Variants in PCDHGA6 observed in about 807,000 individuals in gnomAD.
PCDHGA6 encodes protocadherin gamma subfamily A, 6.
PCDHGA6 carries 41 observed loss-of-function variants against 60.6 expected under a neutral mutation model. The ratio of observed to expected loss-of-function variants is 0.68; its 90% CI spans 0.53 to 0.88. The LOEUF is 0.88. Ranked by LOEUF, PCDHGA6 falls within the 40% of genes least tolerant of loss-of-function variation. The pLI is 0.00. For missense variants in PCDHGA6, 1,312 were observed against 1,203.0 expected (o/e 1.09, Z -1.34); for synonymous variants, 594 against 524.4 (o/e 1.13, Z -1.81).
chr5:141,395,341 G>C, intron 1 of PCDHGA6: 1 of 1,409,696 alleles, frequency 7.1e-7, no homozygotes. Context: ...AATTTTTAAG[G>C]TGTATCACAG....
intron 1 of PCDHGA6, chr5:141,413,247 CGGGATTCCAT>C: frequency 6.2e-7 from 1 of 1,613,940 alleles, no homozygotes; most frequent in South Asian, 1.1e-5. Flanking sequence ...GCCTTTTCTT[CGGGATTCCAT>C]GGGAGGCTGG....
In PCDHGA6 at chr5:141,432,469, C is replaced by A; in HGVS notation, c.2424+55962C>A. On this transcript the variant is annotated intron_variant, in intron 1 of 3. Coordinates refer to ENST00000517434, the MANE Select transcript of PCDHGA6 (RefSeq NM_018919.3). The surrounding 1 kb of genome is among the most constrained non-coding windows in gnomAD (Gnocchi z 6.0). ...TCCTGTACCCCGCCCTCCCCACGGA[C>A]GGTTCCACTGGCGTGGAGCTGGCTC... 6.2e-7 allele frequency: 1 copy of A among 1,614,218 alleles called. No individual in the cohort carries two copies.
chr5:141,505,528 C>T (rs746609783), intron 3 of PCDHGA6, 47 bp downstream of exon 3: 4 of 1,612,320 alleles, frequency 2.5e-6, no homozygotes, highest in Non-Finnish European at 3.4e-6. Context: ...ACCTGGGGTT[C>T]TGGGGTGCAT....
At position 141,384,450 on chromosome 5, in the gene PCDHGA6, G is replaced by A. The variant is rs756281053; in HGVS notation, c.2424+7943G>A. On this transcript the variant is annotated intron_variant, in intron 1 of 3. Coordinates refer to ENST00000517434, the MANE Select transcript of PCDHGA6 (RefSeq NM_018919.3). ...CTGACACTGGAGTCCTGTACGCGCT[G>A]CAATCCTTTGATTATGAGCAGTTGA... is the stretch of plus-strand genomic sequence containing the variant. 4 of 1,614,040 alleles carry A rather than the reference G, an allele frequency of 2.5e-6. No homozygotes were observed. In the Admixed American group the frequency reaches 6.7e-5, roughly 27 times the overall value.
intron 3 of PCDHGA6, among the ~76,000 whole-genome samples, chr5:141,508,629 T>C (rs934648689): frequency 6.6e-6 from 1 of 152,054 alleles, no homozygotes; most frequent in Non-Finnish European, 1.5e-5. Context: ...GGGCCGAGCT[T>C]CTAGCTACTC....
At chr5:141,399,719 G>A (rs773556952) in intron 1 of PCDHGA6, 13 of 1,613,168 alleles carry the variant, frequency 8.1e-6, no homozygotes, top group Non-Finnish European at 1.1e-5. Flanking sequence ...CTACAGGCCC[G>A]CGACCAGGGC....
At chr5:141,414,457 G>C in intron 1 of PCDHGA6, 2 of 1,613,872 alleles carry the variant, frequency 1.2e-6, no homozygotes, top group Non-Finnish European at 1.7e-6. Flanking sequence ...CACAGTGACA[G>C]CCACAGATGG....
At chr5:141,394,660 T>G in intron 1 of PCDHGA6, 1 of 1,613,264 alleles carries the variant, frequency 6.2e-7, no homozygotes, top group East Asian at 2.2e-5. Context: ...GAGCCGGGAC[T>G]CTTCTCGGTG....
intron 1 of PCDHGA6, chr5:141,413,001 G>A (rs2095597089): frequency 1.7e-6 from 1 of 592,790 alleles, no homozygotes; most frequent in Non-Finnish European, 2.8e-6. Flanking sequence ...CGGATTCTCA[G>A]GGCTTCAACT....
chr5:141,376,398 A>C lies in PCDHGA6; in HGVS notation c.2315A>C (p.Gln772Pro), dbSNP rs1266114748. The change falls in exon 1 of 4, where the codon CAG becomes CCG. Residue 772 changes from glutamine to proline, a missense_variant. Gln to Pro is a moderately conservative substitution (Grantham distance 76). Coordinates refer to ENST00000517434, the MANE Select transcript of PCDHGA6 (RefSeq NM_018919.3). ...DSRKSHLIFP[Q>P]PNYADTLINQ... is the part of the protein sequence containing the mutation. ...CGTAAGAGTCATCTGATTTTCCCCC[A>C]GCCCAACTATGCCGACACGCTTATC... 6.2e-7 allele frequency: 1 copy of C among 1,614,080 alleles called. No homozygotes were observed. Among genetic ancestry groups the C allele is most frequent in the Admixed American group, 1.7e-5 (1 of 60,002 alleles).
At chr5:141,397,693 A>G (rs1389804077) in intron 1 of PCDHGA6, among the ~76,000 whole-genome samples, 2 of 152,244 alleles carry the variant, frequency 1.3e-5, no homozygotes, top group East Asian at 1.9e-4. Flanking sequence ...TTGTATAAAA[A>G]CCCAACGTGA....
chr5:141,505,335 A>G, intron 2 of PCDHGA6, 58 bp from the exon 3 acceptor site: 1 of 1,611,086 alleles, frequency 6.2e-7, no homozygotes, highest in Non-Finnish European at 8.5e-7. Flanking sequence ...AGAGGACAGG[A>G]GGGGCATGAG....
In PCDHGA6 at chr5:141,382,776, A is replaced by G. The variant is rs572614689; in HGVS notation, c.2424+6269A>G. 9.9e-6 allele frequency: 8 copies of G among 809,846 alleles called. No individual in the cohort carries two copies. The Admixed American group carries it at 2.0e-4, about 21-fold the overall frequency. 50.2% of individuals were successfully genotyped at this position (809,846 alleles called of 1,614,324 possible). The stretch of plus-strand genomic sequence containing the variant: ...TAAGCCCTCTTCCAGGCTGCACTAA[A>G]CTCAAGCCTCTATCCTGCTGGATTC... On this transcript the variant is annotated intron_variant, in intron 1 of 3. Transcript: ENST00000517434.
chr5:141,459,862 C>T (rs931723906), intron 1 of PCDHGA6, among the ~76,000 whole-genome samples: 3 of 152,158 alleles, frequency 2.0e-5, no homozygotes, highest in East Asian at 1.9e-4. Context: ...TTGAAGCATT[C>T]GTTCATCTTT....
intron 1 of PCDHGA6, among the ~76,000 whole-genome samples, chr5:141,458,368 A>C (rs934670055): frequency 3.9e-5 from 6 of 152,112 alleles, no homozygotes; most frequent in Admixed American, 3.9e-4. Flanking sequence ...GAAGGAAGGG[A>C]GAAGAGAGAA....
chr5:141,495,449 G>T (rs1249221693), intron 2 of PCDHGA6, among the ~76,000 whole-genome samples: 1 of 152,194 alleles, frequency 6.6e-6, no homozygotes, highest in East Asian at 1.9e-4. Flanking sequence ...TACTTGTCCT[G>T]CTCTCTGTCT....
rs540188136 is a variant in PCDHGA6 at position 141,375,695 on chromosome 5, G to T, written c.1612G>T (p.Gly538Trp). Reference sequence around the variant, plus strand: ...GCTGTGGGTGACAGCCAGCGACAGCGGGGACCCGCCTCTTAGCAGCAACGT... The same window carrying T: ...GCTGTGGGTGACAGCCAGCGACAGCTGGGACCCGCCTCTTAGCAGCAACGT... ...LQLWVTASDS[G>W]DPPLSSNVSL... The change falls in exon 1 of 4, where the codon GGG becomes TGG. Residue 538 changes from glycine (G) to tryptophan (W), a missense_variant. Gly to Trp is a radical substitution (Grantham distance 184). Coordinates refer to ENST00000517434, the MANE Select transcript of PCDHGA6 (RefSeq NM_018919.3). 1.5e-5 allele frequency: 25 copies of T among 1,614,250 alleles called. No individual in the cohort carries two copies. In the African/African-American group the frequency reaches 2.9e-4, roughly 19 times the overall value.
chr5:141,431,206 G>A lies in PCDHGA6; in HGVS notation c.2424+54699G>A, dbSNP rs17097300. On this transcript the variant is annotated intron_variant, in intron 1 of 3. Coordinates refer to ENST00000517434, the MANE Select transcript of PCDHGA6 (RefSeq NM_018919.3). The surrounding 1 kb of genome is among the most constrained non-coding windows in gnomAD (Gnocchi z 4.8). ...AAATTAGTGAAAATGCAGCCACTGA[G>A]ATGCGGTTCCCTCTACCCCACGCCT... The A allele has an allele frequency of 0.041, 66,767 of 1,614,172 alleles. 3,763 individuals carry two copies. Among genetic ancestry groups the A allele is most frequent in the Admixed American group, 0.27 (16,026 of 60,028 alleles).
intron 1 of PCDHGA6, chr5:141,393,940 C>T: frequency 3.7e-6 from 6 of 1,613,928 alleles, no homozygotes; most frequent in Non-Finnish European, 5.1e-6. Flanking sequence ...GACCAAGACT[C>T]TGGAAAGAAT....
Sources: allele counts gnomAD v4.1 joint callset (sites outside exome capture counted in the v4.1 genomes callset), GRCh38; gene constraint gnomAD v4.1.1; non-coding constraint Gnocchi (gnomAD v3.1); transcripts MANE v1.5; gene names NCBI Gene and HGNC (gene_info 2026-07-23, HGNC 2026-07-21).